Variants in CNTN5 observed in about 807,000 individuals in gnomAD.
CNTN5 encodes contactin 5.
CNTN5 carries 77 observed loss-of-function variants against 129.1 expected under a neutral mutation model. The observed-to-expected ratio is 0.60, with a 90% CI of 0.50 to 0.72. The LOEUF (loss-of-function observed/expected upper bound fraction) is 0.72, where lower values mean the gene tolerates loss of function less well. Ranked by LOEUF, CNTN5 falls within the 30% of genes least tolerant of loss-of-function variation. CNTN5 has a pLI of 0.00. For synonymous variants in CNTN5, 509 were observed against 465.6 expected (o/e 1.09, Z -1.20); for missense variants, 1,478 against 1,328.8 (o/e 1.11, Z -1.75).
intron 3 of CNTN5, among the ~76,000 whole-genome samples, chr11:99,669,103 G>T (rs1952924094): frequency 6.6e-6 from 1 of 152,202 alleles, no homozygotes; most frequent in Admixed American, 6.5e-5. Flanking sequence ...GTTTTGCAGA[G>T]CATCTTCAGT....
intron 6 of CNTN5, among the ~76,000 whole-genome samples, chr11:99,898,327 GA>G (rs1303105483): frequency 2.7e-5 from 4 of 150,866 alleles, no homozygotes; most frequent in African/African-American, 9.7e-5. Context: ...CTAGCCTAAG[GA>G]AAAAAAAGAG....
intron 3 of CNTN5, among the ~76,000 whole-genome samples, chr11:99,753,526 T>A (rs1439808524): frequency 6.6e-6 from 1 of 151,496 alleles, no homozygotes; most frequent in Non-Finnish European, 1.5e-5. Context: ...TATTTCTCCC[T>A]GTCTCACATT....
intron 17 of CNTN5, among the ~76,000 whole-genome samples, chr11:100,269,139 G>A (rs1468299939): frequency 6.6e-6 from 1 of 152,152 alleles, no homozygotes; most frequent in East Asian, 1.9e-4. Flanking sequence ...AGAAACAGAA[G>A]TTAAGTTTTG....
intron 2 of CNTN5, among the ~76,000 whole-genome samples, chr11:99,349,274 C>T (rs1938121874): frequency 6.6e-6 from 1 of 152,122 alleles, no homozygotes; most frequent in Admixed American, 6.5e-5. Flanking sequence ...ATGAGAAACC[C>T]AAATTTTTCA....
At chr11:99,999,455 A>G (rs2137459654) in intron 8 of CNTN5, among the ~76,000 whole-genome samples, 1 of 152,332 alleles carries the variant, frequency 6.6e-6, no homozygotes, top group Non-Finnish European at 1.5e-5. Context: ...AACCACAATG[A>G]GATACCATCT....
chr11:99,677,697 C>T (rs1357400561), intron 3 of CNTN5, among the ~76,000 whole-genome samples: 1 of 152,044 alleles, frequency 6.6e-6, no homozygotes, highest in Non-Finnish European at 1.5e-5. Context: ...TTGTTCAAAA[C>T]TGTTTATTTT....
At chr11:99,514,066 G>A (rs900522285) in intron 2 of CNTN5, among the ~76,000 whole-genome samples, 3 of 152,002 alleles carry the variant, frequency 2.0e-5, no homozygotes, top group African/African-American at 4.8e-5. Context: ...ACATTAACAA[G>A]GGGTTAAAAG....
chr11:99,253,479 G>A (rs1459771998), intron 1 of CNTN5, among the ~76,000 whole-genome samples: 1 of 151,928 alleles, frequency 6.6e-6, no homozygotes, highest in African/African-American at 2.4e-5. Context: ...TCTTTTTTAA[G>A]AGTGTTTGAC....
At chr11:100,160,610 C>A (rs1947415662) in intron 13 of CNTN5, among the ~76,000 whole-genome samples, 1 of 151,836 alleles carries the variant, frequency 6.6e-6, no homozygotes, top group African/African-American at 2.4e-5. Flanking sequence ...CCACTTTGGA[C>A]TGGAAATACA....
At chr11:99,269,264 C>A (rs1863057460) in intron 1 of CNTN5, among the ~76,000 whole-genome samples, 1 of 151,436 alleles carries the variant, frequency 6.6e-6, no homozygotes, top group Admixed American at 6.6e-5. Flanking sequence ...TAATTATTAT[C>A]TCCTGTGTTA....
At chr11:99,105,059 A>G (rs1430186381) in intron 1 of CNTN5, among the ~76,000 whole-genome samples, 1 of 152,162 alleles carries the variant, frequency 6.6e-6, no homozygotes, top group African/African-American at 2.4e-5. Context: ...TAGTCTCCTC[A>G]TCACTAAAAG....
intron 8 of CNTN5, among the ~76,000 whole-genome samples, chr11:99,980,431 T>A (rs1298798442): frequency 1.3e-5 from 2 of 152,188 alleles, no homozygotes; most frequent in African/African-American, 4.8e-5. Context: ...TTTTCAGGGT[T>A]AGATTCAATA....
chr11:99,323,697 C>T (rs1565490938), intron 1 of CNTN5, among the ~76,000 whole-genome samples: 1 of 151,976 alleles, frequency 6.6e-6, no homozygotes, highest in South Asian at 2.1e-4. Context: ...ATGAAAAAAA[C>T]ATAACTTGTC....
chr11:100,099,220 A>G (rs545142930), intron 13 of CNTN5, among the ~76,000 whole-genome samples: 1 of 152,248 alleles, frequency 6.6e-6, no homozygotes, highest in East Asian at 1.9e-4. Flanking sequence ...TCACACAGAA[A>G]GTTAAAAGCA....
intron 1 of CNTN5, among the ~76,000 whole-genome samples, chr11:99,122,936 AGTCTACCGTTCAT>A (rs1459972632): frequency 6.6e-6 from 1 of 152,124 alleles, no homozygotes; most frequent in Non-Finnish European, 1.5e-5. Flanking sequence ...TTTTTAATGC[AGTCTACCGTTCAT>A]GGGCATTCAG....
Position 100,046,238 on chromosome 11 carries a change from T to C in CNTN5, c.981-14974T>C, listed in dbSNP as rs974379563. ...ACACTTTTGGTCTATACTGTTTTGATGTAATATCTGATTAATAGAAAAAAC... is the reference window on the plus strand; with the variant it reads ...ACACTTTTGGTCTATACTGTTTTGACGTAATATCTGATTAATAGAAAAAAC... On this transcript the variant is annotated intron_variant, in intron 9 of 24. Coordinates refer to ENST00000524871, the MANE Select transcript of CNTN5 (RefSeq NM_014361.4). Among the ~76,000 whole-genome samples, 3 of 152,178 alleles carry C rather than the reference T, an allele frequency of 2.0e-5. No homozygotes were observed. The South Asian group carries it at 6.2e-4, about 32-fold the overall frequency.
At chr11:99,093,072 C>G (rs1196107258) in intron 1 of CNTN5, among the ~76,000 whole-genome samples, 1 of 151,862 alleles carries the variant, frequency 6.6e-6, no homozygotes, top group Non-Finnish European at 1.5e-5. Flanking sequence ...ACATGTAGTA[C>G]ATAGCTGTTA....
intron 4 of CNTN5, among the ~76,000 whole-genome samples, chr11:99,838,570 T>G (rs561656430): frequency 6.6e-6 from 1 of 152,346 alleles, no homozygotes; most frequent in African/African-American, 2.4e-5. Flanking sequence ...TGGGAGGTTC[T>G]GGCTCTAGGT....
At chr11:99,762,319 T>C (rs1430090240) in intron 3 of CNTN5, among the ~76,000 whole-genome samples, 1 of 151,638 alleles carries the variant, frequency 6.6e-6, no homozygotes, top group Non-Finnish European at 1.5e-5. Flanking sequence ...CTTTTGGTGT[T>C]TTAGACATGA....
Sources: gnomAD v4.1 joint callset for allele counts (sites outside exome capture counted in the v4.1 genomes callset) on GRCh38, gnomAD v4.1.1 for gene constraint, MANE v1.5 for transcripts, NCBI Gene and HGNC (gene_info 2026-07-23, HGNC 2026-07-21) for gene names.